Variants in ZNF215 observed in about 807,000 individuals in gnomAD.
ZNF215 encodes BWSCR2-associated zinc finger protein 2.
Under a neutral mutation model 27.2 loss-of-function variants are expected in ZNF215, and 24 were observed. The ratio of observed to expected loss-of-function variants is 0.88; its 90% confidence interval spans 0.64 to 1.24. The LOEUF is 1.24. Among genes scored for constraint, ZNF215 ranks in the 50% most tolerant of loss-of-function variants. ZNF215 has a pLI of 0.00. For synonymous variants in ZNF215, 210 were observed against 204.0 expected (o/e 1.03, Z -0.25); for missense variants, 675 against 605.7 (o/e 1.11, Z -1.20).
chr11:6,957,895 C>G lies in ZNF215; in HGVS notation c.*1364C>G. 1 of 985,416 alleles carries G rather than the reference C, an allele frequency of 1.0e-6. No individual in the cohort carries two copies. The allele number at this position is 985,416 out of a possible 1,614,324, so 61.0% of individuals were successfully genotyped here. A position where few individuals can be genotyped will look rare whatever the true frequency, so the allele number is the denominator to read the frequency against. On this transcript the variant is annotated 3_prime_UTR_variant, in exon 7 of 7. Coordinates refer to ENST00000278319, the MANE Select transcript of ZNF215 (RefSeq NM_013250.4). Reference sequence around the variant, plus strand: ...TCAGGATCCCATCTGGTTCTTGAGCCAAGAAGTATGACTTAATCTGCCCCA... The same window carrying G: ...TCAGGATCCCATCTGGTTCTTGAGCGAAGAAGTATGACTTAATCTGCCCCA...
Position 6,932,671 on chromosome 11 carries a change from A to G in ZNF215, c.399A>G (p.Glu133=), listed in dbSNP as rs756733698. 6 of 1,598,570 alleles carry G rather than the reference A, an allele frequency of 3.8e-6. No homozygotes were observed. Among genetic ancestry groups the G allele is most frequent in the Non-Finnish European group, 5.1e-6 (6 of 1,173,440 alleles). ...ATGTGATTGAAATGCTTGAAGATGA[A>G]GGTAAGAATATAAAGAAATTAGAGG... ...IEDVIEMLED[E]DMPCKDSALQ... The change falls in exon 3 of 7, where the codon GAA becomes GAG. Residue 133 remains glutamate, a splice_region_variant and synonymous_variant. Coordinates refer to ENST00000278319, the MANE Select transcript of ZNF215 (RefSeq NM_013250.4).
chr11:6,966,910 A>AT (rs1412419208), intron 5 of ZNF215, among the ~76,000 whole-genome samples: 2 of 151,948 alleles, frequency 1.3e-5, no homozygotes, highest in Admixed American at 1.3e-4. Context: ...TGCTGCATCC[A>AT]TCAACTCGTC....
intron 5 of ZNF215, among the ~76,000 whole-genome samples, chr11:6,965,774 C>G (rs1590079969): frequency 6.6e-6 from 1 of 152,038 alleles, no homozygotes; most frequent in Admixed American, 6.6e-5. Context: ...TAAATTCATT[C>G]TAGTAGTTTT....
At chr11:6,981,332 G>A (rs1422815323) in intron 5 of ZNF215, among the ~76,000 whole-genome samples, 2 of 150,540 alleles carry the variant, frequency 1.3e-5, no homozygotes, top group Non-Finnish European at 3.0e-5. Context: ...TCTCATTGTG[G>A]TTTTGATTTG....
At chr11:6,942,829 T>C (rs1054899603) in intron 4 of ZNF215, among the ~76,000 whole-genome samples, 1 of 152,224 alleles carries the variant, frequency 6.6e-6, no homozygotes, top group African/African-American at 2.4e-5. Flanking sequence ...AACCATGTAT[T>C]GTAAGCTACT....
Position 6,956,552 on chromosome 11 carries a change from T to A in ZNF215, c.*21T>A. On this transcript the variant is annotated 3_prime_UTR_variant, in exon 7 of 7. Coordinates refer to ENST00000278319, the MANE Select transcript of ZNF215 (RefSeq NM_013250.4). The stretch of plus-strand genomic sequence containing the variant: ...CCTGAAAAAAGAAAAAATGAAAGAT[T>A]ACCTTCAGTCAGAATGCAGAACTCA... 1 of 1,538,356 alleles carries A rather than the reference T, an allele frequency of 6.5e-7. No homozygotes were observed. Among genetic ancestry groups the A allele is most frequent in the Non-Finnish European group, 8.7e-7 (1 of 1,149,460 alleles).
intron 6 of ZNF215, among the ~76,000 whole-genome samples, chr11:6,947,180 A>G (rs1849847262): frequency 1.3e-5 from 2 of 152,138 alleles, no homozygotes; most frequent in African/African-American, 2.4e-5. Context: ...TTCTACTTTC[A>G]TCTATCTCCT....
At chr11:6,942,991 C>T in intron 4 of ZNF215, 92 bp from the exon 5 acceptor site, 2 of 1,512,964 alleles carry the variant, frequency 1.3e-6, no homozygotes, top group South Asian at 2.7e-5. Context: ...CTGGTGTATT[C>T]TGGCTCCTAC....
At chr11:6,977,970 C>G (rs1850866454) in intron 5 of ZNF215, among the ~76,000 whole-genome samples, 1 of 152,062 alleles carries the variant, frequency 6.6e-6, no homozygotes, top group South Asian at 2.1e-4. Flanking sequence ...CTATAAAGAT[C>G]AGAGACTCAA....
chr11:6,971,406 C>G (rs906015765), intron 5 of ZNF215, among the ~76,000 whole-genome samples: 11 of 152,070 alleles, frequency 7.2e-5, no homozygotes, highest in Non-Finnish European at 1.0e-4. Flanking sequence ...GTATTACAGT[C>G]TTTTTATTGC....
intron 5 of ZNF215, among the ~76,000 whole-genome samples, chr11:6,967,005 C>A (rs1386239229): frequency 6.6e-6 from 1 of 151,998 alleles, no homozygotes; most frequent in Non-Finnish European, 1.5e-5. Flanking sequence ...GTTCCCCTCC[C>A]TGTGTCCATG....
At chr11:6,938,116 G>A (rs1223021625) in intron 3 of ZNF215, among the ~76,000 whole-genome samples, 1 of 151,876 alleles carries the variant, frequency 6.6e-6, no homozygotes, top group Non-Finnish European at 1.5e-5. Context: ...CCAATATCAG[G>A]AAAATATAAA....
downstream of ZNF215, among the ~76,000 whole-genome samples, chr11:6,960,539 A>T (rs563755636): frequency 1.9e-3 from 291 of 152,284 alleles, 3 homozygotes; most frequent in African/African-American, 6.6e-3. Context: ...GAGGCCAAAG[A>T]TGAGGATAAT....
At position 6,927,663 on chromosome 11, in the gene ZNF215, G is replaced by T. The variant is rs1849103880; in HGVS notation, c.-324G>T. On this transcript the variant is annotated splice_region_variant and 5_prime_UTR_variant, in exon 2 of 7. Coordinates refer to ENST00000278319, the MANE Select transcript of ZNF215 (RefSeq NM_013250.4). ...ATTTCCTGGCTTTGTATATTCCAGT[G>T]TTCATCATTTGCCACTTAAGCTACT... is the stretch of plus-strand genomic sequence containing the variant. 6.6e-6 allele frequency: 1 copy of T among 152,140 alleles called. No homozygotes were observed. Among genetic ancestry groups the T allele is most frequent in the Non-Finnish European group, 1.5e-5 (1 of 68,036 alleles). The allele number at this position is 152,140 out of a possible 1,614,324, so 9.4% of individuals were successfully genotyped here.
Position 6,956,901 on chromosome 11 carries a change from T to C in ZNF215, c.*370T>C, listed in dbSNP as rs1439671425. ...GTAGACATTAGGCAAAGCCAAACAA[T>C]ACTCTTGGAGTTGATATTTAATAAA... On this transcript the variant is annotated 3_prime_UTR_variant, in exon 7 of 7. Coordinates refer to ENST00000278319, the MANE Select transcript of ZNF215 (RefSeq NM_013250.4). 3.0e-6 allele frequency: 3 copies of C among 999,662 alleles called. No individual in the cohort carries two copies. The highest frequency in any genetic ancestry group is 3.6e-6 in the Non-Finnish European group (3 of 838,806). The allele number at this position is 999,662 out of a possible 1,614,324, so 61.9% of individuals were successfully genotyped here. A position where few individuals can be genotyped will look rare whatever the true frequency, so the allele number is the denominator to read the frequency against.
intron 6 of ZNF215, among the ~76,000 whole-genome samples, chr11:6,944,255 A>G (rs920495229): frequency 5.3e-5 from 8 of 152,138 alleles, no homozygotes; most frequent in African/African-American, 1.7e-4. Flanking sequence ...CAGCCTGGGC[A>G]ACAGAGAACA....
In ZNF215 at chr11:6,956,277, G is replaced by A. The variant is rs1688309228; in HGVS notation, c.1300G>A (p.Ala434Thr). 6.2e-7 allele frequency: 1 copy of A among 1,614,084 alleles called. No individual in the cohort carries two copies. Among genetic ancestry groups the A allele is most frequent in the Middle Eastern group, 1.6e-4 (1 of 6,062 alleles). Residue 434 changes from alanine to threonine, a missense_variant, in exon 7 of 7, where the codon GCC (alanine) becomes ACC (threonine). Coordinates refer to ENST00000278319, the MANE Select transcript of ZNF215 (RefSeq NM_013250.4). The stretch of plus-strand genomic sequence containing the variant: ...TCAAAAACTTCATGCTGAAGCAAAG[G>A]CCTGCACAAGCAATAAATGTGGAAA... ...KHQKLHAEAKACTSNKCGKAF... is the reference protein window; with the variant it reads ...KHQKLHAEAKTCTSNKCGKAF...
rs377476597 is a variant in ZNF215 at position 6,941,700 on chromosome 11, G to A, written c.483+47G>A. On this transcript the variant is annotated intron_variant, in intron 4 of 6. Coordinates refer to ENST00000278319, the MANE Select transcript of ZNF215 (RefSeq NM_013250.4). ...TACTGAACACATATGCTCATTTTTA[G>A]TATTACCTGCTTTCAATTTTTTGAT... 317 of 1,586,272 alleles carry A rather than the reference G, an allele frequency of 2.0e-4. 1 individual carries two copies. The highest frequency in any genetic ancestry group is 2.6e-4 in the Non-Finnish European group (299 of 1,159,044).
downstream of ZNF215, among the ~76,000 whole-genome samples, chr11:6,961,752 T>A (rs181390766): frequency 2.6e-5 from 4 of 152,294 alleles, no homozygotes; most frequent in African/African-American, 9.6e-5. Flanking sequence ...GGTGACAGAA[T>A]CCAGGTGGCT....
Sources: gnomAD v4.1 joint callset for allele counts (sites outside exome capture counted in the v4.1 genomes callset) on GRCh38, gnomAD v4.1.1 for gene constraint, MANE v1.5 for transcripts, NCBI Gene and HGNC (gene_info 2026-07-23, HGNC 2026-07-21) for gene names.